The following TBC1D31 variants were observed in gnomAD, a reference collection of about 807,000 sequenced individuals.
The protein encoded by TBC1D31 is WD repeat domain 67.
Under a neutral mutation model 132.9 loss-of-function variants are expected in TBC1D31, and 99 were observed. The ratio of observed to expected loss-of-function variants is 0.74; its 90% confidence interval spans 0.63 to 0.88. The LOEUF is 0.88. Ranked by LOEUF, TBC1D31 falls within the 40% of genes least tolerant of loss-of-function variation. TBC1D31 has a pLI of 0.00. For missense variants in TBC1D31, 1,134 were observed against 1,256.6 expected (o/e 0.90, Z 1.48); for synonymous variants, 385 against 419.4 (o/e 0.92, Z 1.00).
Position 123,129,218 on chromosome 8 carries a change from G to T in TBC1D31, c.2270G>T (p.Arg757Met). Residue 757 changes from arginine to methionine, a missense_variant and splice_region_variant, in exon 15 of 22, where the codon AGG becomes ATG. Coordinates refer to ENST00000287380, the MANE Select transcript of TBC1D31 (RefSeq NM_145647.4). Reference protein sequence around the residue: ...EEEKMIQQRQRLAAVKRELKV... With the variant: ...EEEKMIQQRQMLAAVKRELKV... ...GAGAAAATGATACAACAAAGACAGA[G>T]GTATGTGTTATCACTTTAAAAAAAA... 1 of 1,546,572 alleles carries T rather than the reference G, an allele frequency of 6.5e-7. No individual in the cohort carries two copies. Among genetic ancestry groups the T allele is most frequent in the South Asian group, 1.2e-5 (1 of 81,120 alleles).
intron 10 of TBC1D31, among the ~76,000 whole-genome samples, chr8:123,117,752 C>CAAAA (rs71310657): frequency 5.6e-5 from 5 of 89,928 alleles, no homozygotes; most frequent in South Asian, 4.1e-4. Context: ...AACTCCGTCT[C>CAAAA]AAAAAAAAAA....
the TBC1D31 span, among the ~76,000 whole-genome samples, chr8:123,164,237 A>G: frequency 5.3e-5 from 8 of 152,202 alleles, no homozygotes; most frequent in African/African-American, 1.9e-4. Context: ...TGAAAGAGTC[A>G]CAACAGCCCA....
At chr8:123,134,337 G>A (rs1358730269) in intron 17 of TBC1D31, 131 bp downstream of exon 17, 9 of 670,578 alleles carry the variant, frequency 1.3e-5, no homozygotes, top group Non-Finnish European at 2.3e-5. Context: ...TTCCAGACCA[G>A]ACCTGGGCAA....
At chr8:123,129,295 T>C in intron 15 of TBC1D31, 77 bp downstream of exon 15, 1 of 1,043,086 alleles carries the variant, frequency 9.6e-7, no homozygotes, top group South Asian at 2.5e-5. Context: ...CATTTTTTCA[T>C]TTTAGAAACA....
At chr8:123,102,358 C>CT (rs146629815) in intron 7 of TBC1D31, 109,304 of 388,358 alleles carry the variant, frequency 0.28, 15,888 homozygotes, top group African/African-American at 0.35. Context: ...CGTTTGCCAC[C>CT]TTTTTTTATT....
chr8:123,117,994 T>C (rs1586664038), intron 10 of TBC1D31, among the ~76,000 whole-genome samples: 3 of 152,358 alleles, frequency 2.0e-5, no homozygotes, highest in African/African-American at 7.2e-5. Flanking sequence ...TTTGTGATAT[T>C]CTTTCCAAAA....
chr8:123,144,994 G>T, intron 20 of TBC1D31, 139 bp downstream of exon 20: 1 of 754,670 alleles, frequency 1.3e-6, no homozygotes, highest in East Asian at 2.9e-5. Flanking sequence ...TGCAATCATG[G>T]CTCAGTGCAG....
intron 3 of TBC1D31, 29 bp downstream of exon 3, chr8:123,082,846 A>C: frequency 1.3e-6 from 2 of 1,495,768 alleles, no homozygotes; most frequent in Non-Finnish European, 1.9e-6. Flanking sequence ...TTTCTTTTGA[A>C]GCAGAGTAAA....
intron 4 of TBC1D31, among the ~76,000 whole-genome samples, chr8:123,085,021 C>T (rs1815580444): frequency 6.6e-6 from 1 of 151,760 alleles, no homozygotes; most frequent in Non-Finnish European, 1.5e-5. Flanking sequence ...AACTCCTGGG[C>T]TCAAGCAATC....
At chr8:123,142,558 T>C (rs1821813481) in intron 19 of TBC1D31, 102 bp downstream of exon 19, 2 of 992,280 alleles carry the variant, frequency 2.0e-6, no homozygotes, top group South Asian at 4.5e-5. Context: ...AAATTCAAAC[T>C]CGGGGCCTTA....
intron 10 of TBC1D31, among the ~76,000 whole-genome samples, chr8:123,113,747 T>A (rs1586652318): frequency 1.3e-5 from 1 of 74,366 alleles, no homozygotes; most frequent in South Asian, 3.6e-4. Context: ...TTCAAAGCAA[T>A]TTTTTTTGTT....
At position 123,100,970 on chromosome 8, in the gene TBC1D31, T is replaced by C; in HGVS notation, c.995T>C (p.Ile332Thr). ...ASIMENGSLN[I>T]YSVQALTQEI... Reference sequence around the variant, plus strand: ...ATTATGGAAAATGGAAGTCTAAACATATATTCAGTTCAGGCTTTAACACAA... The same window carrying C: ...ATTATGGAAAATGGAAGTCTAAACACATATTCAGTTCAGGCTTTAACACAA... Residue 332 changes from isoleucine (I) to threonine (T), a missense_variant, in exon 7 of 22, where the codon ATA (isoleucine) becomes ACA (threonine). Transcript: ENST00000287380. 1.2e-6 allele frequency: 2 copies of C among 1,613,866 alleles called. No individual in the cohort carries two copies. The highest frequency in any genetic ancestry group is 1.7e-6 in the Non-Finnish European group (2 of 1,179,834).
chr8:123,115,194 C>T (rs1174655425), intron 10 of TBC1D31, among the ~76,000 whole-genome samples: 5 of 152,002 alleles, frequency 3.3e-5, no homozygotes, highest in South Asian at 2.1e-4. Flanking sequence ...GTGTTTTCAC[C>T]GACACTGGAT....
intron 7 of TBC1D31, chr8:123,102,565 T>C: frequency 3.9e-6 from 1 of 254,616 alleles, no homozygotes; most frequent in South Asian, 4.1e-5. Flanking sequence ...ATATATATAG[T>C]CACTCCTCAT....
rs1821800292 is a variant in TBC1D31 at position 123,142,473 on chromosome 8, T to C, written c.2835+17T>C. ...GCCAAGAAGGTAAAAAATAGTGTTA[T>C]AAACTTTTTAATATCAAGCATTGAT... On this transcript the variant is annotated intron_variant, in intron 19 of 21. Coordinates refer to ENST00000287380, the MANE Select transcript of TBC1D31 (RefSeq NM_145647.4). 4 of 1,481,660 alleles carry C rather than the reference T, an allele frequency of 2.7e-6. No homozygotes were observed. The African/African-American group carries it at 4.4e-5, about 16-fold the overall frequency. The allele number at this position is 1,481,660 out of a possible 1,614,324, so 91.8% of individuals were successfully genotyped here. A position where few individuals can be genotyped will look rare whatever the true frequency, so the allele number is the denominator to read the frequency against.
chr8:123,111,730 ATAAC>A (rs1005988275), intron 10 of TBC1D31, among the ~76,000 whole-genome samples: 1 of 152,174 alleles, frequency 6.6e-6, no homozygotes, highest in Non-Finnish European at 1.5e-5. Context: ...TAAAAACTAT[ATAAC>A]TATAAATAAT....
Position 123,073,677 on chromosome 8 carries a change from G to GTGATTT in TBC1D31, c.77+832_77+833insGATTTT, listed in dbSNP as rs1451203506. ...GAGTTCCTGTTTCAGTGTGTTTCTT[G>GTGATTT]TTCTAGCAGTGATTTTTCTTTTCTT... On this transcript the variant is annotated intron_variant, in intron 1 of 21. Coordinates refer to ENST00000287380, the MANE Select transcript of TBC1D31 (RefSeq NM_145647.4). Among the ~76,000 whole-genome samples, 121 of 152,212 alleles carry GTGATTT rather than the reference G, an allele frequency of 7.9e-4. 1 individual carries two copies. Among genetic ancestry groups the GTGATTT allele is most frequent in the African/African-American group, 2.9e-3 (120 of 41,558 alleles).
intron 1 of TBC1D31, among the ~76,000 whole-genome samples, chr8:123,076,338 A>ATGTGTGTGTGTGTGTGTG (rs71310650): frequency 2.0e-5 from 3 of 149,340 alleles, no homozygotes; most frequent in African/African-American, 7.4e-5. Flanking sequence ...AATTGTGTGT[A>ATGTGTGTGTGTGTGTGTG]TGTGTGTGTG....
intron 5 of TBC1D31, among the ~76,000 whole-genome samples, chr8:123,094,871 A>T (rs1816704280): frequency 6.6e-6 from 1 of 152,210 alleles, no homozygotes; most frequent in Non-Finnish European, 1.5e-5. Flanking sequence ...ATTAATAAGA[A>T]TGTCTTAATA....
Sources: allele counts gnomAD v4.1 joint callset (sites outside exome capture counted in the v4.1 genomes callset), GRCh38; gene constraint gnomAD v4.1.1; transcripts MANE v1.5; gene names NCBI Gene and HGNC (gene_info 2026-07-23, HGNC 2026-07-21).